The following VGLL4 variants were observed in gnomAD, a reference collection of about 807,000 sequenced individuals.
VGLL4 encodes transcription cofactor vestigial-like protein 4.
A neutral mutation model predicts 21.0 loss-of-function variants in VGLL4; 7 were observed. The ratio of observed to expected loss-of-function variants is 0.33; its 90% CI spans 0.19 to 0.63. The LOEUF (loss-of-function observed/expected upper bound fraction) is 0.63, where lower values mean the gene tolerates loss of function less well. VGLL4 is among the 20% of genes least tolerant of loss of function. The pLI is 0.78. For synonymous variants in VGLL4, 222 were observed against 173.2 expected (o/e 1.28, Z -2.21); for missense variants, 394 against 425.7 (o/e 0.93, Z 0.66).
Position 11,643,647 on chromosome 3 carries a change from TCAAAA to T in VGLL4, c.-134_-130del. ...AAGGCAGAGGCCCAGCCTCAGACTA[TCAAAA>T]CAAAGTATGCAAAAGTTAAAAAAAA... is the stretch of plus-strand genomic sequence containing the variant. On this transcript the variant is annotated 5_prime_UTR_variant, in exon 1 of 5. Coordinates refer to ENST00000430365, the MANE Select transcript of VGLL4 (RefSeq NM_001128219.3). 1 of 1,481,740 alleles carries T rather than the reference TCAAAA, an allele frequency of 6.7e-7. No individual in the cohort carries two copies. Among genetic ancestry groups the T allele is most frequent in the Non-Finnish European group, 8.9e-7 (1 of 1,123,210 alleles). 91.8% of individuals were successfully genotyped at this position (1,481,740 alleles called of 1,614,324 possible). A position where few individuals can be genotyped will look rare whatever the true frequency, so the allele number is the denominator to read the frequency against.
chr3:11,619,194 C>T (rs1167846354), intron 1 of VGLL4, among the ~76,000 whole-genome samples: 1 of 152,208 alleles, frequency 6.6e-6, no homozygotes, highest in African/African-American at 2.4e-5. Context: ...CAGCTGAGCT[C>T]GGGTGAGCTG....
Position 11,703,723 on chromosome 3 carries a change from C to G in VGLL4, c.-13-676G>C, listed in dbSNP as rs544066926. Reference sequence around the variant, plus strand: ...CCCTGGAAAACCAGAATGCTTTTTACCCAGTTTCCCTTTTCTGGGTTATTT... The same window carrying G: ...CCCTGGAAAACCAGAATGCTTTTTAGCCAGTTTCCCTTTTCTGGGTTATTT... On this transcript the variant is annotated intron_variant, in intron 1 of 5. Transcript: ENST00000273038. 7.0e-4 allele frequency among the ~76,000 whole-genome samples: 107 copies of G among 152,178 alleles called. 2 individuals carry two copies. Among genetic ancestry groups the G allele is most frequent in the Admixed American group, 5.7e-3 (87 of 15,278 alleles).
chr3:11,691,623 C>T (rs190136431), intron 2 of VGLL4, among the ~76,000 whole-genome samples: 4 of 152,264 alleles, frequency 2.6e-5, no homozygotes, highest in South Asian at 2.1e-4. Context: ...ACGGGCCTTC[C>T]GTCCTCACTG....
chr3:11,692,702 G>C (rs1362831658), intron 2 of VGLL4, among the ~76,000 whole-genome samples: 1 of 149,248 alleles, frequency 6.7e-6, no homozygotes, highest in East Asian at 2.0e-4. Flanking sequence ...AGCACCAAAG[G>C]AGGAAGGAAG....
chr3:11,604,747 T>C (rs1307142764), intron 1 of VGLL4, among the ~76,000 whole-genome samples: 1 of 143,972 alleles, frequency 6.9e-6, no homozygotes, highest in Non-Finnish European at 1.5e-5. Context: ...GTCATGTTCT[T>C]TCCAGCTCTT....
Position 11,595,907 on chromosome 3 carries a change from A to G in VGLL4, c.272+5926T>C, listed in dbSNP as rs532090020. Among the ~76,000 whole-genome samples, 249 of 152,024 alleles carry G rather than the reference A, an allele frequency of 1.6e-3. 1 individual carries two copies. Among genetic ancestry groups the G allele is most frequent in the African/African-American group, 5.5e-3 (227 of 41,458 alleles). The stretch of plus-strand genomic sequence containing the variant: ...TAAATGACAAGTTAATGGGTGCAGC[A>G]CACCATCATGGCACATGTATACACA... On this transcript the variant is annotated intron_variant, in intron 2 of 4. Coordinates refer to ENST00000430365, the MANE Select transcript of VGLL4 (RefSeq NM_001128219.3).
At chr3:11,626,721 C>G (rs553424159) in intron 1 of VGLL4, among the ~76,000 whole-genome samples, 1 of 152,064 alleles carries the variant, frequency 6.6e-6, no homozygotes, top group East Asian at 1.9e-4. Flanking sequence ...CCAAACAGCC[C>G]GTTACTCCAT....
chr3:11,609,434 C>T (rs1043095246), intron 1 of VGLL4, among the ~76,000 whole-genome samples: 8 of 152,180 alleles, frequency 5.3e-5, no homozygotes, highest in African/African-American at 1.9e-4. Context: ...AGGGAGATTT[C>T]ATTAAAAAAC....
At chr3:11,642,748 T>C (rs2075718896) in intron 1 of VGLL4, among the ~76,000 whole-genome samples, 1 of 152,172 alleles carries the variant, frequency 6.6e-6, no homozygotes, top group Non-Finnish European at 1.5e-5. Context: ...TAAATAACAG[T>C]TCGGCGCGGC....
chr3:11,630,170 TA>T (rs1258430710), intron 1 of VGLL4, among the ~76,000 whole-genome samples: 1 of 152,126 alleles, frequency 6.6e-6, no homozygotes, highest in Non-Finnish European at 1.5e-5. Flanking sequence ...ATTTAGACAA[TA>T]AACTTGCCAA....
Position 11,574,783 on chromosome 3 carries a change from A to ATG in VGLL4, c.273-9765_273-9764insCA, listed in dbSNP as rs768970246. Among the ~76,000 whole-genome samples the ATG allele has an allele frequency of 4.5e-3, 508 of 111,750 alleles. 4 individuals are homozygous for ATG. The highest frequency in any genetic ancestry group is 0.014 in the Middle Eastern group (3 of 214). 73.3% of individuals were successfully genotyped at this position (111,750 alleles called of 152,430 possible). On this transcript the variant is annotated intron_variant, in intron 2 of 4. Coordinates refer to ENST00000430365, the MANE Select transcript of VGLL4 (RefSeq NM_001128219.3). ...GTACAATTACTGTCAATTCAACTAT[A>ATG]TATGTGTGTGTGTGTGTGTGTGTGT...
In VGLL4 at chr3:11,689,986, C is replaced by G. The variant is rs572971567; in HGVS notation, c.64+12985G>C. Among the ~76,000 whole-genome samples, 181 of 152,290 alleles carry G rather than the reference C, an allele frequency of 1.2e-3. 2 individuals carry two copies. Among genetic ancestry groups the G allele is most frequent in the African/African-American group, 4.1e-3 (172 of 41,548 alleles). ...GAGCCCGCAGGGATCTGACACTCTG[C>G]TCGGCTTCTCTCTCAGGCCCCAACA... is the stretch of plus-strand genomic sequence containing the variant. On this transcript the variant is annotated intron_variant, in intron 2 of 5. Transcript: ENST00000273038.
chr3:11,689,268 T>C (rs1291233990), intron 2 of VGLL4, among the ~76,000 whole-genome samples: 1 of 152,196 alleles, frequency 6.6e-6, no homozygotes, highest in Non-Finnish European at 1.5e-5. Flanking sequence ...CACCAGAACA[T>C]GCATCTGATG....
intron 1 of VGLL4, among the ~76,000 whole-genome samples, chr3:11,637,862 G>A (rs1034607661): frequency 6.6e-6 from 1 of 152,152 alleles, no homozygotes; most frequent in South Asian, 2.1e-4. Flanking sequence ...AAAAATAAAA[G>A]ACGGAGAGAA....
At chr3:11,710,946 A>G (rs922612646) in intron 1 of VGLL4, among the ~76,000 whole-genome samples, 1 of 152,030 alleles carries the variant, frequency 6.6e-6, no homozygotes, top group Non-Finnish European at 1.5e-5. Context: ...CTAAAAATAC[A>G]AAAATTAGCT....
At chr3:11,589,008 A>G (rs1246253107) in intron 2 of VGLL4, among the ~76,000 whole-genome samples, 1 of 152,314 alleles carries the variant, frequency 6.6e-6, no homozygotes, top group Middle Eastern at 3.4e-3. Flanking sequence ...ACCAATAACA[A>G]CGAGTCTCTG....
chr3:11,650,600 ATC>A (rs1316542882), intron 2 of VGLL4, among the ~76,000 whole-genome samples: 1 of 151,928 alleles, frequency 6.6e-6, no homozygotes, highest in Non-Finnish European at 1.5e-5. Flanking sequence ...CTACTGCGCT[ATC>A]TGTTTCCCCT....
chr3:11,682,394 G>C (rs2076387320), intron 2 of VGLL4, among the ~76,000 whole-genome samples: 1 of 100,548 alleles, frequency 9.9e-6, no homozygotes. Context: ...GACAGTACAA[G>C]ACCCTGTCTC....
At chr3:11,654,707 A>G (rs185196865) in intron 2 of VGLL4, among the ~76,000 whole-genome samples, 2 of 152,160 alleles carry the variant, frequency 1.3e-5, no homozygotes, top group Admixed American at 6.5e-5. Flanking sequence ...CCCATACCAT[A>G]TTTTTCTTTG....
Sources: gnomAD v4.1 joint callset for allele counts (sites outside exome capture counted in the v4.1 genomes callset) on GRCh38, gnomAD v4.1.1 for gene constraint, MANE v1.5 for transcripts, NCBI Gene and HGNC (gene_info 2026-07-23, HGNC 2026-07-21) for gene names.